The following TSC1 variants were observed in gnomAD, a reference collection of about 807,000 sequenced individuals.
The protein encoded by TSC1 is hamartin.
TSC1 carries 20 observed loss-of-function variants against 124.3 expected under a neutral mutation model. The ratio of observed to expected loss-of-function variants is 0.16; its 90% CI spans 0.11 to 0.23. TSC1 has a LOEUF of 0.23. Ranked by LOEUF, TSC1 falls within the 10% of genes least tolerant of loss-of-function variation. The pLI is 1.00. For synonymous variants in TSC1, 493 were observed against 539.1 expected (o/e 0.91, Z 1.19); for missense variants, 1,124 against 1,448.5 (o/e 0.78, Z 3.64).
Position 132,894,555 on chromosome 9 carries a change from C to G in TSC1, c.*1680G>C, listed in dbSNP as rs532372427. The G allele has an allele frequency of 8.8e-6, 2 of 228,424 alleles. No individual in the cohort carries two copies. Among genetic ancestry groups the G allele is most frequent in the African/African-American group, 4.4e-5 (2 of 45,056 alleles). The allele number at this position is 228,424 out of a possible 1,614,324, so 14.1% of individuals were successfully genotyped here. ...GTGCTAGGCTGAGTAGTTGGGACCA[C>G]GCCCTGCCACAGGCTGGGAATCAGT... On this transcript the variant is annotated 3_prime_UTR_variant, in exon 23 of 23. Transcript: ENST00000298552.
In TSC1 at chr9:132,903,532, CA is replaced by C. The variant is rs1258945171; in HGVS notation, c.2208+118del. On this transcript the variant is annotated intron_variant, in intron 17 of 22. Transcript: ENST00000298552. The surrounding 1 kb of genome is among the most constrained non-coding windows in gnomAD (Gnocchi z 5.9). ...ATGTCTTAATCTCAAGCGACCTGCC[CA>C]AAGGAGTGGGAAGGACTGGGAACTC... 15 of 1,462,118 alleles carry C rather than the reference CA, an allele frequency of 1.0e-5. No individual in the cohort carries two copies. Among genetic ancestry groups the C allele is most frequent in the Non-Finnish European group, 1.3e-5 (14 of 1,049,440 alleles). 90.6% of individuals were successfully genotyped at this position (1,462,118 alleles called of 1,614,324 possible).
rs896015087 is a variant in TSC1, at chr9:132,895,258, G to T, written c.*977C>A. 1 of 233,352 alleles carries T rather than the reference G, an allele frequency of 4.3e-6. No individual in the cohort carries two copies. Among genetic ancestry groups the T allele is most frequent in the Non-Finnish European group, 8.5e-6 (1 of 117,864 alleles). 14.5% of individuals were successfully genotyped at this position (233,352 alleles called of 1,614,324 possible). ...TTTGGACCTTCAGAGCCTTTCTGCT[G>T]CAGTGTCACATATAAGCTGACATGA... On this transcript the variant is annotated 3_prime_UTR_variant, in exon 23 of 23. Transcript: ENST00000298552.
chr9:132,911,598 T>G, intron 9 of TSC1, 30 bp from the exon 10 acceptor site: 6 of 896,144 alleles, frequency 6.7e-6, no homozygotes, highest in Non-Finnish European at 1.1e-5. Flanking sequence ...CACAGGGGGT[T>G]AGTGTGTGGT....
intron 8 of TSC1, among the ~76,000 whole-genome samples, chr9:132,914,870 A>C (rs1041184750): frequency 6.7e-6 from 1 of 149,664 alleles, no homozygotes; most frequent in Non-Finnish European, 1.5e-5. Context: ...CTCTGAAAAA[A>C]AGAGAAAAGA....
intron 1 of TSC1, chr9:132,943,803 CAA>C (rs1847882389): frequency 6.6e-6 from 1 of 152,242 alleles, no homozygotes; most frequent in Non-Finnish European, 1.5e-5. Flanking sequence ...ACACACAAAG[CAA>C]AACTCTTTAA....
At chr9:132,904,572 T>C (rs1845558119) in intron 15 of TSC1, 118 bp from the exon 16 acceptor site, 1 of 997,334 alleles carries the variant, frequency 1.0e-6, no homozygotes, top group African/African-American at 1.6e-5. Context: ...TGCAATGGCA[T>C]AAGAATGTTT....
chr9:132,903,792 G>A lies in TSC1; in HGVS notation c.2067C>T (p.Arg689=), dbSNP rs2131773036. The change falls in exon 17 of 23, where the codon CGC becomes CGT. Residue 689 remains arginine, a synonymous_variant. Coordinates refer to ENST00000298552, the MANE Select transcript of TSC1 (RefSeq NM_000368.5). This position sits in a 1 kb window ranked among gnomAD's most constrained non-coding sequence, Gnocchi z 5.9. Reference sequence around the variant, plus strand: ...GTAAAAGCAACTGGTCTCGGAGGGTGCGGATCTCATCTGAAGGAGGAGAGC... The same window carrying A: ...GTAAAAGCAACTGGTCTCGGAGGGTACGGATCTCATCTGAAGGAGGAGAGC... ...FGGSPPSDEI[R]TLRDQLLLLH... The A allele has an allele frequency of 6.2e-7, 1 of 1,614,040 alleles. No homozygotes were observed. The highest frequency in any genetic ancestry group is 8.5e-7 in the Non-Finnish European group (1 of 1,180,048).
At chr9:132,927,404 AT>A (rs1347292349) in intron 3 of TSC1, 100 bp from the exon 4 acceptor site, 1 of 1,090,804 alleles carries the variant, frequency 9.2e-7, no homozygotes, top group Non-Finnish European at 1.4e-6. Context: ...ATGTTTCTTT[AT>A]ATGCTATTCT....
At position 132,910,663 on chromosome 9, in the gene TSC1, G is replaced by T. The variant is rs1195528624; in HGVS notation, c.1171C>A (p.Pro391Thr). The T allele has an allele frequency of 6.2e-7, 1 of 1,613,988 alleles. No individual in the cohort carries two copies. The highest frequency in any genetic ancestry group is 8.5e-7 in the Non-Finnish European group (1 of 1,180,034). The change falls in exon 12 of 23, where the codon CCA (proline) becomes ACA (threonine). Residue 391 changes from proline to threonine, a missense_variant. This residue lies in a region of TSC1 where 463 missense variants were observed against 606.8 expected (regional missense o/e 0.76). Transcript: ENST00000298552. ...AGGKGTPLGT[P>T]ATSPPPAPLC... Reference sequence around the variant, plus strand: ...GGGGCTGGAGGAGGAGAGGTTGCTGGGGTTCCCAGAGGAGTTCCTTTTCCA... The same window carrying T: ...GGGGCTGGAGGAGGAGAGGTTGCTGTGGTTCCCAGAGGAGTTCCTTTTCCA...
chr9:132,919,397 C>T (rs1449631507), intron 8 of TSC1, among the ~76,000 whole-genome samples: 1 of 152,176 alleles, frequency 6.6e-6, no homozygotes, highest in Non-Finnish European at 1.5e-5. Context: ...TTCATACCAA[C>T]ATACATCACT....
intron 1 of TSC1, among the ~76,000 whole-genome samples, chr9:132,938,487 G>A (rs770878762): frequency 2.0e-5 from 3 of 152,184 alleles, no homozygotes; most frequent in Non-Finnish European, 4.4e-5. Flanking sequence ...TAGGTTTGAG[G>A]AAGAAGATAA....
At position 132,902,752 on chromosome 9, in the gene TSC1, C is replaced by A. The variant is rs1588301930; in HGVS notation, c.2244G>T (p.Gln748His). The change falls in exon 18 of 23, where the codon CAG (glutamine) becomes CAT (histidine). Residue 748 changes from glutamine to histidine, a missense_variant. Physicochemically the swap from Gln to His is conservative, Grantham distance 24. Transcript: ENST00000298552. The surrounding 1 kb of genome is among the most constrained non-coding windows in gnomAD (Gnocchi z 5.2). ...CTTTCTGCAGACTAACCTTCCACATCTGGATGTCCTTCTCTTGTAACTTCA... is the reference window on the plus strand; with the variant it reads ...CTTTCTGCAGACTAACCTTCCACATATGGATGTCCTTCTCTTGTAACTTCA... ...DQLKLQEKDI[Q>H]MWKVSLQKEQ... The A allele has an allele frequency of 6.2e-7, 1 of 1,613,994 alleles. No homozygotes were observed. The highest frequency in any genetic ancestry group is 8.5e-7 in the Non-Finnish European group (1 of 1,180,040).
At chr9:132,912,769 G>A (rs1018549881) in intron 8 of TSC1, 6 of 370,774 alleles carry the variant, frequency 1.6e-5, no homozygotes, top group Non-Finnish European at 3.1e-5. Flanking sequence ...CAGCAGGCAG[G>A]GAAAAATGTC....
chr9:132,907,413 T>C (rs1026658484), intron 12 of TSC1, 43 bp from the exon 13 acceptor site: 2 of 1,500,356 alleles, frequency 1.3e-6, no homozygotes, highest in Non-Finnish European at 1.9e-6. Context: ...CGAAAAATGT[T>C]GCACATGTTC....
chr9:132,906,735 T>G lies in TSC1; in HGVS notation c.1434A>C (p.Glu478Asp). The change falls in exon 14 of 23, where the codon GAA becomes GAC. Residue 478 changes from glutamate (E) to aspartate (D), a missense_variant. Transcript: ENST00000298552. This position sits in a 1 kb window ranked among gnomAD's most constrained non-coding sequence, Gnocchi z 4.1. Reference protein sequence around the residue: ...SEEDSIEKDKEEAAISRELSE... With the variant: ...SEEDSIEKDKDEAAISRELSE... The stretch of plus-strand genomic sequence containing the variant: ...TAGCAATCCCACATACATTACCTTC[T>G]TCTTTATCTTTTTCAATACTATCTT... 6.2e-7 allele frequency: 1 copy of G among 1,613,416 alleles called. No homozygotes were observed. Among genetic ancestry groups the G allele is most frequent in the Non-Finnish European group, 8.5e-7 (1 of 1,179,548 alleles).
chr9:132,941,891 C>T (rs979704428), intron 1 of TSC1: 1 of 152,142 alleles, frequency 6.6e-6, no homozygotes, highest in Admixed American at 6.5e-5. Context: ...ATTTACATTC[C>T]AACTTTTACT....
intron 4 of TSC1, chr9:132,926,954 G>A (rs970142044): frequency 9.3e-5 from 43 of 461,312 alleles, no homozygotes; most frequent in Admixed American, 2.9e-4. Context: ...TTACAGGCGT[G>A]AGCCACCACA....
chr9:132,938,880 A>G (rs1465142203), intron 1 of TSC1, among the ~76,000 whole-genome samples: 1 of 151,952 alleles, frequency 6.6e-6, no homozygotes, highest in African/African-American at 2.4e-5. Context: ...ACCCTCTACG[A>G]CTCCTCAGGA....
intron 4 of TSC1, chr9:132,926,019 A>T: frequency 2.2e-6 from 1 of 456,494 alleles, no homozygotes; most frequent in Non-Finnish European, 4.0e-6. Flanking sequence ...CCCCTCAATA[A>T]CCAACAGTCC....
Sources: allele counts gnomAD v4.1 joint callset (sites outside exome capture counted in the v4.1 genomes callset), GRCh38; gene constraint gnomAD v4.1.1; regional missense constraint gnomAD v4.1.1; non-coding constraint Gnocchi (gnomAD v3.1); transcripts MANE v1.5; gene names NCBI Gene and HGNC (gene_info 2026-07-23, HGNC 2026-07-21).